The following DMD variants were observed in gnomAD, a reference collection of about 807,000 sequenced individuals.
DMD encodes dystrophin.
Under a neutral mutation model 330.1 loss-of-function variants are expected in DMD, and 63 were observed. The observed-to-expected ratio is 0.19, with a 90% confidence interval of 0.16 to 0.24. DMD has a LOEUF of 0.24. Ranked by LOEUF, DMD falls within the 10% of genes least tolerant of loss-of-function variation. The probability of loss-of-function intolerance (pLI) is 1.00; values close to 1 mark genes in which losing one functional copy is unlikely to be tolerated. For missense variants in DMD, 3,344 were observed against 2,684.1 expected (o/e 1.25, Z -5.43); for synonymous variants, 1,223 against 959.8 (o/e 1.27, Z -5.07).
chrX:31,522,363 C>CTCTCTCTCTCTCTCTCTCTATATATATA, intron 55 of DMD, among the ~76,000 whole-genome samples: 2 of 35,956 alleles, frequency 5.6e-5, no homozygotes, highest in African/African-American at 3.8e-4. Flanking sequence ...CTCTCTCTCT[C>CTCTCTCTCTCTCTCTCTCTATATATATA]TATATATATA....
chrX:31,145,414 A>T (rs192595352), intron 76 of DMD, among the ~76,000 whole-genome samples: 1 of 111,503 alleles, frequency 9.0e-6, no homozygotes, highest in Non-Finnish European at 1.9e-5. Flanking sequence ...GATTTTATAG[A>T]TTTCTCATCT....
At chrX:31,483,207 C>T (rs1200261054) in intron 57 of DMD, among the ~76,000 whole-genome samples, 3 of 108,483 alleles carry the variant, frequency 2.8e-5, no homozygotes, top group Non-Finnish European at 3.8e-5. Flanking sequence ...CCACCACGCC[C>T]AGCTAATTTT....
chrX:31,153,640 C>G (rs1291487392), intron 74 of DMD, among the ~76,000 whole-genome samples: 4 of 112,076 alleles, frequency 3.6e-5, no homozygotes, highest in African/African-American at 1.3e-4. Flanking sequence ...AGAAGCCTAC[C>G]AGGACACATT....
At chrX:32,869,615 T>C (rs1207773358) in intron 2 of DMD, among the ~76,000 whole-genome samples, 2 of 108,474 alleles carry the variant, frequency 1.8e-5, no homozygotes, top group South Asian at 8.0e-4. Flanking sequence ...CAAGTATCAA[T>C]AACCAAATAG....
chrX:32,673,580 A>G (rs16990576), intron 9 of DMD, among the ~76,000 whole-genome samples: 8,040 of 111,919 alleles, frequency 0.072, 740 homozygotes, highest in African/African-American at 0.25. Context: ...GAATGTTTGT[A>G]TGAACAGAGA....
At chrX:32,807,145 A>C (rs1448356118) in intron 7 of DMD, among the ~76,000 whole-genome samples, 1 of 104,191 alleles carries the variant, frequency 9.6e-6, no homozygotes, top group Non-Finnish European at 2.0e-5. Context: ...AAAAAAAAAA[A>C]AAAACATCAA....
At chrX:31,333,996 G>A (rs901212107) in intron 61 of DMD, among the ~76,000 whole-genome samples, 1 of 110,134 alleles carries the variant, frequency 9.1e-6, no homozygotes, top group Non-Finnish European at 1.9e-5. Context: ...GCAATGGCGC[G>A]ATCTCGGCTC....
intron 13 of DMD, chrX:32,583,830 T>C (rs979821531): frequency 1.8e-5 from 2 of 112,271 alleles, no homozygotes. Context: ...TGGATTGTAA[T>C]ACGAAAGGTA....
intron 7 of DMD, among the ~76,000 whole-genome samples, chrX:32,761,855 A>AT (rs2072340911): frequency 9.0e-6 from 1 of 111,186 alleles, no homozygotes. Context: ...CACATACTTA[A>AT]ACCTGAGTCC....
chrX:32,732,679 GA>G (rs936522632), intron 7 of DMD, among the ~76,000 whole-genome samples: 1 of 110,875 alleles, frequency 9.0e-6, no homozygotes, highest in African/African-American at 3.3e-5. Flanking sequence ...ATAAGTAAAG[GA>G]GAAATAAAAT....
chrX:32,554,302 C>CA (rs1410277971), intron 16 of DMD, among the ~76,000 whole-genome samples: 1 of 110,655 alleles, frequency 9.0e-6, no homozygotes, highest in Non-Finnish European at 1.9e-5. Flanking sequence ...AAAAACCCTC[C>CA]AAAAAACTAA....
Position 31,196,848 on chromosome X carries a change from A to G in DMD, c.9807+7113T>C, listed in dbSNP as rs2042951026. On this transcript the variant is annotated intron_variant, in intron 67 of 78. Coordinates refer to ENST00000357033, the MANE Select transcript of DMD (RefSeq NM_004006.3). Reference sequence around the variant, plus strand: ...AAAAAAAAAAAAAAAAAAAAAAAAAAAAAAAAAAAAAAAAAAAAAGTAATC... The same window carrying G: ...AAAAAAAAAAAAAAAAAAAAAAAAAGAAAAAAAAAAAAAAAAAAAGTAATC... 1.2e-4 allele frequency among the ~76,000 whole-genome samples: 10 copies of G among 83,720 alleles called. 1 individual carries two copies. Among genetic ancestry groups the G allele is most frequent in the South Asian group, 6.8e-4 (1 of 1,475 alleles). 72.7% of individuals were successfully genotyped at this position (83,720 alleles called of 115,157 possible).
chrX:31,178,434 T>C (rs2040778803), intron 70 of DMD: 1 of 472,092 alleles, frequency 2.1e-6, no homozygotes, highest in African/African-American at 3.6e-5. Flanking sequence ...GTGTTGTGGT[T>C]TTTTTTTTTT....
At chrX:32,562,959 T>C (rs1440481342) in intron 16 of DMD, among the ~76,000 whole-genome samples, 1 of 111,505 alleles carries the variant, frequency 9.0e-6, no homozygotes, top group East Asian at 2.8e-4. Flanking sequence ...AAGCTTAGTG[T>C]TCTGGAAAAC....
chrX:32,702,391 G>T (rs1354817693), intron 7 of DMD, among the ~76,000 whole-genome samples: 1 of 111,342 alleles, frequency 9.0e-6, no homozygotes, highest in Admixed American at 9.6e-5. Flanking sequence ...GGGGCAGTGG[G>T]AATATGTAGA....
At chrX:33,227,446 C>T (rs2052311061) in intron 1 of DMD, among the ~76,000 whole-genome samples, 2 of 111,090 alleles carry the variant, frequency 1.8e-5, no homozygotes, top group South Asian at 7.4e-4. Context: ...TCCTAAGAAA[C>T]AATTGGTAAG....
chrX:31,877,292 G>A (rs953745479), intron 47 of DMD, among the ~76,000 whole-genome samples: 2 of 111,829 alleles, frequency 1.8e-5, no homozygotes, highest in African/African-American at 6.5e-5. Context: ...ACTGACCCTA[G>A]GCTCCCACAG....
At chrX:32,746,367 C>A (rs987856456) in intron 7 of DMD, among the ~76,000 whole-genome samples, 1 of 111,993 alleles carries the variant, frequency 8.9e-6, no homozygotes, top group African/African-American at 3.2e-5. Flanking sequence ...CACCATCCAG[C>A]AGAATCTCAC....
intron 50 of DMD, among the ~76,000 whole-genome samples, chrX:31,790,138 T>C (rs1789512010): frequency 8.9e-6 from 1 of 111,927 alleles, no homozygotes; most frequent in Non-Finnish European, 1.9e-5. Context: ...AATGTATATA[T>C]TTTCTGTGGA....
Sources: gnomAD v4.1 joint callset for allele counts (sites outside exome capture counted in the v4.1 genomes callset) on GRCh38, gnomAD v4.1.1 for gene constraint, MANE v1.5 for transcripts, NCBI Gene and HGNC (gene_info 2026-07-23, HGNC 2026-07-21) for gene names.